LRRC4C: variants seen among roughly 807,000 people sequenced by gnomAD.
LRRC4C encodes leucine-rich repeat-containing protein 4C.
LRRC4C carries 5 observed loss-of-function variants against 33.6 expected under a neutral mutation model. That is an observed-to-expected ratio of 0.15 (90% CI 0.08 to 0.31). The LOEUF (loss-of-function observed/expected upper bound fraction) is 0.31. Ranked by LOEUF, LRRC4C falls within the 10% of genes least tolerant of loss-of-function variation. LRRC4C has a pLI of 1.00. For missense variants in LRRC4C, 560 were observed against 796.7 expected (o/e 0.70, Z 3.58); for synonymous variants, 329 against 302.0 (o/e 1.09, Z -0.93).
chr11:40,346,694 A>G (rs1947148084), intron 3 of LRRC4C, among the ~76,000 whole-genome samples: 1 of 152,186 alleles, frequency 6.6e-6, no homozygotes, highest in African/African-American at 2.4e-5. Flanking sequence ...GTGCCCCTGA[A>G]CTTAAAATAA....
At chr11:40,884,702 T>A (rs905424153) in intron 2 of LRRC4C, among the ~76,000 whole-genome samples, 1 of 152,120 alleles carries the variant, frequency 6.6e-6, no homozygotes, top group African/African-American at 2.4e-5. Flanking sequence ...AGGTCAAATT[T>A]GATAATGATA....
At chr11:40,243,448 G>A (rs552787427) in intron 4 of LRRC4C, among the ~76,000 whole-genome samples, 1 of 151,394 alleles carries the variant, frequency 6.6e-6, no homozygotes, top group South Asian at 2.1e-4. Context: ...TTATTGATGA[G>A]AAAACTGAGG....
chr11:40,637,394 A>G (rs1234792517), intron 3 of LRRC4C, among the ~76,000 whole-genome samples: 3 of 152,214 alleles, frequency 2.0e-5, no homozygotes, highest in Non-Finnish European at 4.4e-5. Flanking sequence ...AATTAAAACT[A>G]AGTATAGAAA....
chr11:41,403,484 A>G (rs1443074133), intron 1 of LRRC4C, among the ~76,000 whole-genome samples: 9 of 152,032 alleles, frequency 5.9e-5, no homozygotes, highest in African/African-American at 2.2e-4. Context: ...AGGACAAAGA[A>G]CCCCATGTTA....
At chr11:40,697,124 A>G (rs1945605009) in intron 2 of LRRC4C, among the ~76,000 whole-genome samples, 1 of 152,140 alleles carries the variant, frequency 6.6e-6, no homozygotes, top group African/African-American at 2.4e-5. Flanking sequence ...TCTCAACTAT[A>G]AAATGAAGAA....
intron 1 of LRRC4C, among the ~76,000 whole-genome samples, chr11:41,307,935 G>C (rs1330637894): frequency 1.3e-5 from 2 of 152,180 alleles, no homozygotes; most frequent in Non-Finnish European, 2.9e-5. Flanking sequence ...AAGAGAGACA[G>C]AGAGCTTTGT....
chr11:41,301,998 C>T (rs1445909431), intron 1 of LRRC4C, among the ~76,000 whole-genome samples: 1 of 152,090 alleles, frequency 6.6e-6, no homozygotes, highest in Admixed American at 6.5e-5. Context: ...ATATCATGCC[C>T]TTTTACTCCT....
At chr11:40,236,143 C>G (rs891156203) in intron 5 of LRRC4C, among the ~76,000 whole-genome samples, 1 of 151,340 alleles carries the variant, frequency 6.6e-6, no homozygotes, top group African/African-American at 2.4e-5. Context: ...GAAAAAAGCT[C>G]TAAGACCCAG....
rs370672848 is a variant in LRRC4C at position 41,047,920 on chromosome 11, C to T, written c.-495-114197G>A. On this transcript the variant is annotated intron_variant, in intron 1 of 6. Coordinates refer to ENST00000528697, the MANE Select transcript of LRRC4C (RefSeq NM_001258419.2). The stretch of plus-strand genomic sequence containing the variant: ...GCTTTTTGAAGGGGAAACTATATAG[C>T]TAATAACCCCATCTCTTCTCCAGAG... Among the ~76,000 whole-genome samples, 5 of 152,214 alleles carry T rather than the reference C, an allele frequency of 3.3e-5. No homozygotes were observed. The South Asian group carries it at 1.0e-3, about 32-fold the overall frequency.
intron 2 of LRRC4C, among the ~76,000 whole-genome samples, chr11:40,735,544 A>C (rs1947816184): frequency 6.9e-6 from 1 of 145,474 alleles, no homozygotes; most frequent in Admixed American, 6.9e-5. Flanking sequence ...ACATTTTCTT[A>C]ATCCAGTCTA....
At position 40,830,504 on chromosome 11, in the gene LRRC4C, T is replaced by C. The variant is rs142046704; in HGVS notation, c.-407+103131A>G. Among the ~76,000 whole-genome samples, 776 of 152,158 alleles carry C rather than the reference T, an allele frequency of 5.1e-3. 1 individual carries two copies. Among genetic ancestry groups the C allele is most frequent in the Non-Finnish European group, 7.3e-3 (499 of 67,984 alleles). On this transcript the variant is annotated intron_variant, in intron 2 of 6. Transcript: ENST00000528697. ...GTAAGTGGTTAGAGTTCATTTTGAG[T>C]GGTAGCCCTCCATTTCTGTAGAAAT...
At chr11:40,502,080 T>A (rs573078442) in intron 3 of LRRC4C, among the ~76,000 whole-genome samples, 1 of 152,298 alleles carries the variant, frequency 6.6e-6, no homozygotes, top group African/African-American at 2.4e-5. Flanking sequence ...GTCTCCTTGC[T>A]ACAACATAAC....
intron 1 of LRRC4C, among the ~76,000 whole-genome samples, chr11:41,395,771 T>C (rs531182541): frequency 6.6e-6 from 1 of 152,130 alleles, no homozygotes; most frequent in South Asian, 2.1e-4. Context: ...TTCCAATTTG[T>C]CCCTCCCAAA....
chr11:40,427,620 G>A lies in LRRC4C; in HGVS notation c.-269-107899C>T, dbSNP rs116794931. Among the ~76,000 whole-genome samples, 385 of 152,302 alleles carry A rather than the reference G, an allele frequency of 2.5e-3. 1 individual carries two copies. The highest frequency in any genetic ancestry group is 9.0e-3 in the African/African-American group (375 of 41,566). On this transcript the variant is annotated intron_variant, in intron 3 of 6. Coordinates refer to ENST00000528697, the MANE Select transcript of LRRC4C (RefSeq NM_001258419.2). ...AGGCGGGTGAATTGCTTAAGGCCAG[G>A]AATTCGAAACCAGAGTGGGTAACAT...
intron 1 of LRRC4C, among the ~76,000 whole-genome samples, chr11:41,160,326 A>G (rs1326314551): frequency 6.6e-6 from 1 of 151,744 alleles, no homozygotes; most frequent in African/African-American, 2.4e-5. Flanking sequence ...CCATGATCAT[A>G]CCTGTGAATA....
intron 1 of LRRC4C, among the ~76,000 whole-genome samples, chr11:41,340,908 G>A (rs2137464545): frequency 6.6e-6 from 1 of 152,322 alleles, no homozygotes; most frequent in East Asian, 1.9e-4. Flanking sequence ...GCAATTCATT[G>A]TGGTTGAGGA....
At chr11:40,157,147 A>G (rs527968285) in intron 5 of LRRC4C, among the ~76,000 whole-genome samples, 96 of 152,164 alleles carry the variant, frequency 6.3e-4, no homozygotes, top group Non-Finnish European at 1.2e-3. Context: ...GCCGACAAAA[A>G]CATAAAGTGT....
intron 1 of LRRC4C, among the ~76,000 whole-genome samples, chr11:41,110,548 G>C (rs1048282868): frequency 6.6e-6 from 1 of 151,988 alleles, no homozygotes; most frequent in Non-Finnish European, 1.5e-5. Flanking sequence ...GTTTACCATC[G>C]CAGGCATACA....
intron 1 of LRRC4C, among the ~76,000 whole-genome samples, chr11:41,318,324 A>T (rs1179512617): frequency 1.3e-5 from 2 of 152,156 alleles, no homozygotes; most frequent in Admixed American, 6.6e-5. Context: ...TGTAAAAGTT[A>T]TCATTTTTAT....
Sources: gnomAD v4.1 joint callset for allele counts (sites outside exome capture counted in the v4.1 genomes callset) on GRCh38, gnomAD v4.1.1 for gene constraint, MANE v1.5 for transcripts, NCBI Gene and HGNC (gene_info 2026-07-23, HGNC 2026-07-21) for gene names.